The following KCNC2 variants were observed in gnomAD, a reference collection of about 807,000 sequenced individuals.
The protein encoded by KCNC2 is voltage-gated potassium channel KCNC2.
KCNC2 carries 21 observed loss-of-function variants against 44.5 expected under a neutral mutation model. The ratio of observed to expected loss-of-function variants is 0.47; its 90% CI spans 0.33 to 0.68. The LOEUF is 0.68. Ranked by LOEUF, KCNC2 falls within the 30% of genes least tolerant of loss-of-function variation. The pLI, the probability that KCNC2 is intolerant of heterozygous loss-of-function variation, is 0.01. For missense variants in KCNC2, 589 were observed against 826.2 expected, an observed-to-expected ratio of 0.71 and a Z score of 3.52; for synonymous variants, 391 against 339.1, an observed-to-expected ratio of 1.15 and a Z score of -1.68.
At chr12:75,185,397 A>C (rs1892869890) in intron 2 of KCNC2, among the ~76,000 whole-genome samples, 1 of 152,198 alleles carries the variant, frequency 6.6e-6, no homozygotes, top group African/African-American at 2.4e-5. Context: ...GTGGAGCCTC[A>C]TAGGAAGTGT....
chr12:75,064,627 C>T (rs1212708745), intron 2 of KCNC2, among the ~76,000 whole-genome samples: 1 of 151,858 alleles, frequency 6.6e-6, no homozygotes, highest in Non-Finnish European at 1.5e-5. Flanking sequence ...AAGTTTCTTC[C>T]CACTTAACTT....
intron 2 of KCNC2, among the ~76,000 whole-genome samples, chr12:75,125,964 A>G (rs1220315560): frequency 6.6e-6 from 1 of 152,158 alleles, no homozygotes; most frequent in Non-Finnish European, 1.5e-5. Flanking sequence ...AAGCAATTTA[A>G]TATATATTAT....
At chr12:75,163,935 C>G (rs1891283535) in intron 2 of KCNC2, among the ~76,000 whole-genome samples, 1 of 151,644 alleles carries the variant, frequency 6.6e-6, no homozygotes, top group African/African-American at 2.4e-5. Flanking sequence ...GAAACAAACC[C>G]CAGGTGTTCT....
chr12:75,178,008 G>C (rs1458069534), intron 2 of KCNC2, among the ~76,000 whole-genome samples: 1 of 152,010 alleles, frequency 6.6e-6, no homozygotes, highest in African/African-American at 2.4e-5. Flanking sequence ...CCAATAATTT[G>C]AGTGGCCAGG....
At chr12:75,176,444 T>C (rs903402258) in intron 2 of KCNC2, among the ~76,000 whole-genome samples, 2 of 151,968 alleles carry the variant, frequency 1.3e-5, no homozygotes, top group East Asian at 1.9e-4. Context: ...GTCCTTGCAA[T>C]GGACTACAAG....
At chr12:75,081,634 C>A (rs1049084294) in intron 2 of KCNC2, among the ~76,000 whole-genome samples, 1 of 151,854 alleles carries the variant, frequency 6.6e-6, no homozygotes, top group African/African-American at 2.4e-5. Flanking sequence ...TTCTCAGCTA[C>A]CCTGGAAAAT....
intron 2 of KCNC2, among the ~76,000 whole-genome samples, chr12:75,110,547 T>C (rs1352180597): frequency 6.6e-6 from 1 of 152,046 alleles, no homozygotes; most frequent in African/African-American, 2.4e-5. Flanking sequence ...AAATATCAAC[T>C]GACCAGGACC....
chr12:75,200,424 A>G (rs1431291259), intron 2 of KCNC2, among the ~76,000 whole-genome samples: 1 of 151,766 alleles, frequency 6.6e-6, no homozygotes, highest in African/African-American at 2.4e-5. Flanking sequence ...CACCAATTTC[A>G]CTAATATAAT....
At chr12:75,180,070 A>G (rs982446844) in intron 2 of KCNC2, among the ~76,000 whole-genome samples, 2 of 151,914 alleles carry the variant, frequency 1.3e-5, no homozygotes, top group Non-Finnish European at 2.9e-5. Context: ...TTTATTATCA[A>G]AGGAATATAT....
intron 2 of KCNC2, among the ~76,000 whole-genome samples, chr12:75,169,392 C>T (rs771328170): frequency 3.3e-5 from 5 of 151,508 alleles, no homozygotes; most frequent in Non-Finnish European, 7.4e-5. Context: ...TTTATAATAT[C>T]TTCAGTGATG....
chr12:75,101,666 G>C (rs1046284850), intron 2 of KCNC2, among the ~76,000 whole-genome samples: 2 of 152,038 alleles, frequency 1.3e-5, no homozygotes, highest in Non-Finnish European at 2.9e-5. Flanking sequence ...CCAAGAATGA[G>C]AGTTCTATAT....
intron 2 of KCNC2, among the ~76,000 whole-genome samples, chr12:75,132,171 G>C (rs150502515): frequency 6.6e-6 from 1 of 152,146 alleles, no homozygotes; most frequent in African/African-American, 2.4e-5. Context: ...GCCTTTTGGG[G>C]GCTATCAGTG....
chr12:75,136,279 C>A (rs376593457), intron 2 of KCNC2, among the ~76,000 whole-genome samples: 3 of 151,452 alleles, frequency 2.0e-5, no homozygotes, highest in Non-Finnish European at 2.9e-5. Flanking sequence ...CCTCAAGGAA[C>A]TAGAAAAACG....
chr12:75,178,655 A>C (rs143610309), intron 2 of KCNC2, among the ~76,000 whole-genome samples: 85 of 152,182 alleles, frequency 5.6e-4, no homozygotes, highest in Admixed American at 1.7e-3. Flanking sequence ...AAATCAAAAC[A>C]ATAACAAAAG....
intron 2 of KCNC2, among the ~76,000 whole-genome samples, chr12:75,116,767 A>G (rs1887688952): frequency 1.3e-5 from 2 of 152,046 alleles, no homozygotes; most frequent in South Asian, 4.1e-4. Flanking sequence ...GCCTGTACCC[A>G]CCCTTCTTAA....
At chr12:75,073,175 G>A (rs537866520) in intron 2 of KCNC2, among the ~76,000 whole-genome samples, 1 of 152,256 alleles carries the variant, frequency 6.6e-6, no homozygotes, top group Non-Finnish European at 1.5e-5. Flanking sequence ...TATAATGTCT[G>A]TATGACTTTC....
chr12:75,125,286 A>T (rs938369278), intron 2 of KCNC2, among the ~76,000 whole-genome samples: 1 of 150,684 alleles, frequency 6.6e-6, no homozygotes, highest in Non-Finnish European at 1.5e-5. Context: ...TAATAAATAG[A>T]TCAAAAAAGT....
intron 2 of KCNC2, among the ~76,000 whole-genome samples, chr12:75,129,629 G>A (rs991968807): frequency 3.9e-5 from 6 of 152,138 alleles, no homozygotes; most frequent in African/African-American, 1.4e-4. Flanking sequence ...AGTAAAGTGA[G>A]ATGAGAAAGT....
chr12:75,044,696 A>G (rs1033203279), intron 4 of KCNC2: 24 of 152,102 alleles, frequency 1.6e-4, no homozygotes, highest in Admixed American at 8.5e-4. Flanking sequence ...AACGATGAAC[A>G]TTCCCCTCCC....
Sources: gnomAD v4.1 joint callset for allele counts (sites outside exome capture counted in the v4.1 genomes callset) on GRCh38, gnomAD v4.1.1 for gene constraint, MANE v1.5 for transcripts, NCBI Gene and HGNC (gene_info 2026-07-23, HGNC 2026-07-21) for gene names.